PRKN: variants seen among roughly 807,000 people sequenced by gnomAD.
PRKN encodes parkin RBR E3 ubiquitin protein ligase, also known as E3 ubiquitin-protein ligase parkin.
A neutral mutation model predicts 59.5 loss-of-function variants in PRKN; 56 were observed. The observed-to-expected ratio is 0.94, with a 90% confidence interval of 0.76 to 1.18. The LOEUF (loss-of-function observed/expected upper bound fraction) is 1.18. Ranked by LOEUF, PRKN falls within the 50% of genes most tolerant of loss-of-function variation. The probability of loss-of-function intolerance (pLI) is 0.00; values close to 1 mark genes in which losing one functional copy is unlikely to be tolerated. For synonymous variants in PRKN, 250 were observed against 222.1 expected, an observed-to-expected ratio of 1.13 and a Z score of -1.12; for missense variants, 657 against 596.4, an observed-to-expected ratio of 1.10 and a Z score of -1.06.
In PRKN at chr6:161,533,045, A is replaced by G. The variant is rs554626309; in HGVS notation, c.1083+15809T>C. On this transcript the variant is annotated intron_variant, in intron 9 of 11. Coordinates refer to ENST00000366898, the MANE Select transcript of PRKN (RefSeq NM_004562.3). The surrounding 1 kb of genome is among the most constrained non-coding windows in gnomAD (Gnocchi z 4.1). The stretch of plus-strand genomic sequence containing the variant: ...TAAAAAAGGCAGCAAATTATGCAGC[A>G]TAATAAAGATGGGTGAGTATAAATA... Among the ~76,000 whole-genome samples the G allele has an allele frequency of 6.6e-6, 1 of 152,352 alleles. No homozygotes were observed. Among genetic ancestry groups the G allele is most frequent in the East Asian group, 1.9e-4 (1 of 5,190 alleles).
At chr6:161,753,569 T>C (rs989387751) in intron 7 of PRKN, among the ~76,000 whole-genome samples, 1 of 152,192 alleles carries the variant, frequency 6.6e-6, no homozygotes, top group Non-Finnish European at 1.5e-5. Flanking sequence ...TGTTCAGTTA[T>C]TGACTGGCTG....
rs1303215690 is a variant in PRKN, at chr6:161,592,551, G to A, written c.872-23135C>T. ...TGGTCTAGATAAGAGGAATACAGAC[G>A]ATTAGACACAGTTCCTATGCTCAGG... On this transcript the variant is annotated intron_variant, in intron 7 of 11. Transcript: ENST00000366898. This position sits in a 1 kb window ranked among gnomAD's most constrained non-coding sequence, Gnocchi z 4.8. Among the ~76,000 whole-genome samples, 5 of 152,144 alleles carry A rather than the reference G, an allele frequency of 3.3e-5. No homozygotes were observed. The highest frequency in any genetic ancestry group is 1.9e-4 in the East Asian group (1 of 5,172).
At chr6:162,153,575 T>C (rs1489597425) in intron 4 of PRKN, among the ~76,000 whole-genome samples, 5 of 152,056 alleles carry the variant, frequency 3.3e-5, no homozygotes, top group Non-Finnish European at 7.4e-5. Context: ...ACTTGTTGGG[T>C]CCTGAATTCT....
At chr6:161,918,877 G>A (rs1778675459) in intron 6 of PRKN, among the ~76,000 whole-genome samples, 1 of 152,150 alleles carries the variant, frequency 6.6e-6, no homozygotes, top group African/African-American at 2.4e-5. Context: ...TCTAGTGTCG[G>A]TGAGGAAGTA....
At chr6:162,381,912 A>G (rs1486889800) in intron 2 of PRKN, among the ~76,000 whole-genome samples, 1 of 152,200 alleles carries the variant, frequency 6.6e-6, no homozygotes, top group African/African-American at 2.4e-5. Flanking sequence ...TGCATTCATT[A>G]GTAGAATTGT....
intron 1 of PRKN, among the ~76,000 whole-genome samples, chr6:162,693,042 A>G (rs1223885042): frequency 6.6e-6 from 1 of 152,162 alleles, no homozygotes; most frequent in Admixed American, 6.5e-5. Flanking sequence ...AAGCCCATAT[A>G]ATTTGCTGTA....
chr6:162,516,345 C>T (rs1480183387), intron 1 of PRKN, among the ~76,000 whole-genome samples: 2 of 152,204 alleles, frequency 1.3e-5, no homozygotes, highest in Non-Finnish European at 2.9e-5. Flanking sequence ...CATCTGCACA[C>T]CTATCCAATG....
intron 1 of PRKN, among the ~76,000 whole-genome samples, chr6:162,536,750 T>G (rs1191224243): frequency 2.6e-5 from 4 of 152,210 alleles, no homozygotes; most frequent in African/African-American, 9.6e-5. Context: ...GTCATGAGTT[T>G]ACTTTTAAAG....
chr6:162,383,913 T>C (rs12192200), intron 2 of PRKN, among the ~76,000 whole-genome samples: 64,981 of 151,976 alleles, frequency 0.43, 14,626 homozygotes, highest in East Asian at 0.71. Flanking sequence ...CTCCTTCAAC[T>C]TCATCAACCA....
intron 5 of PRKN, among the ~76,000 whole-genome samples, chr6:161,986,777 G>A (rs1781452324): frequency 8.7e-6 from 1 of 115,270 alleles, no homozygotes; most frequent in South Asian, 2.8e-4. Context: ...GACCAAGTGA[G>A]AGCGGAACAG....
At chr6:162,460,391 G>A (rs1325206990) in intron 1 of PRKN, among the ~76,000 whole-genome samples, 1 of 152,190 alleles carries the variant, frequency 6.6e-6, no homozygotes, top group Non-Finnish European at 1.5e-5. Context: ...AGGAGTTACT[G>A]CTAAAGGGAA....
chr6:162,188,875 T>A (rs980209710), intron 4 of PRKN, among the ~76,000 whole-genome samples: 1 of 152,118 alleles, frequency 6.6e-6, no homozygotes, highest in Non-Finnish European at 1.5e-5. Context: ...TGAAAACAGT[T>A]TTGTGAAAAG....
intron 1 of PRKN, among the ~76,000 whole-genome samples, chr6:162,697,611 T>C (rs1778014518): frequency 6.6e-6 from 1 of 152,212 alleles, no homozygotes; most frequent in African/African-American, 2.4e-5. Flanking sequence ...GCCTGCCTTC[T>C]ATATATGCTA....
chr6:162,636,379 G>T (rs570040425), intron 1 of PRKN, among the ~76,000 whole-genome samples: 1 of 152,310 alleles, frequency 6.6e-6, no homozygotes, highest in Admixed American at 6.5e-5. Flanking sequence ...GTGGAGCAAT[G>T]TGGGGGAGAA....
At position 161,987,376 on chromosome 6, in the gene PRKN, G is replaced by A. The variant is rs114371330; in HGVS notation, c.619-13959C>T. 6.7e-3 allele frequency among the ~76,000 whole-genome samples: 1,027 copies of A among 152,194 alleles called. 11 individuals are homozygous for A. The highest frequency in any genetic ancestry group is 0.022 in the African/African-American group (933 of 41,512). On this transcript the variant is annotated intron_variant, in intron 5 of 11. Coordinates refer to ENST00000366898, the MANE Select transcript of PRKN (RefSeq NM_004562.3). ...TTATGTAAAATATATATCGATGGGC[G>A]TAGACATGTGTGCTTTATACATATG...
intron 9 of PRKN, among the ~76,000 whole-genome samples, chr6:161,507,848 C>G (rs1393623877): frequency 6.6e-6 from 1 of 152,188 alleles, no homozygotes; most frequent in Admixed American, 6.5e-5. Context: ...CCCTGACCAC[C>G]CAAGTAAGCT....
At chr6:162,281,632 C>A (rs1247784810) in intron 2 of PRKN, among the ~76,000 whole-genome samples, 1 of 152,042 alleles carries the variant, frequency 6.6e-6, no homozygotes, top group Non-Finnish European at 1.5e-5. Context: ...TATGAGAAAG[C>A]TATTGTATAA....
chr6:162,716,930 T>G (rs1324121046), intron 1 of PRKN, among the ~76,000 whole-genome samples: 4 of 152,204 alleles, frequency 2.6e-5, no homozygotes, highest in Non-Finnish European at 5.9e-5. Context: ...GTTCAAATGG[T>G]GAAGCATTAC....
chr6:162,186,154 C>G (rs1562566605), intron 4 of PRKN, among the ~76,000 whole-genome samples: 1 of 151,872 alleles, frequency 6.6e-6, no homozygotes, highest in South Asian at 2.1e-4. Context: ...ACTTTTTGAG[C>G]TGTAAAAGGC....
Sources: allele counts gnomAD v4.1 joint callset (sites outside exome capture counted in the v4.1 genomes callset), GRCh38; gene constraint gnomAD v4.1.1; non-coding constraint Gnocchi (gnomAD v3.1); transcripts MANE v1.5; gene names NCBI Gene and HGNC (gene_info 2026-07-23, HGNC 2026-07-21).